The following B3GNT6 variants were observed in gnomAD, a reference collection of about 807,000 sequenced individuals.
B3GNT6 encodes UDP-GlcNAc:betaGal beta-1,3-N-acetylglucosaminyltransferase 6.
For missense variants in B3GNT6, 624 were observed against 568.6 expected, an observed-to-expected ratio of 1.10 and a Z score of -0.99; for synonymous variants, 300 against 270.0, an observed-to-expected ratio of 1.11 and a Z score of -1.09.
In B3GNT6 at chr11:77,040,637, G is replaced by A; in HGVS notation, c.1086G>A (p.Glu362=). The change falls in exon 2 of 2, where the codon GAG becomes GAA. Residue 362 remains glutamate (E), a synonymous_variant. Transcript: ENST00000622824. ...TAGTGCACCGCTTCGCGCCCTACGA[G>A]ATGCTGCTCATGTGGAAGGCGCTGC... ...LLLVHRFAPY[E]MLLMWKALHS... The A allele has an allele frequency of 1.2e-6, 2 of 1,601,224 alleles. No individual in the cohort carries two copies. The highest frequency in any genetic ancestry group is 1.7e-6 in the Non-Finnish European group (2 of 1,179,238).
In B3GNT6 at chr11:77,039,946, G is replaced by T. The variant is rs782008657; in HGVS notation, c.395G>T (p.Arg132Leu). 6.3e-6 allele frequency: 10 copies of T among 1,592,086 alleles called. No homozygotes were observed. The highest frequency in any genetic ancestry group is 3.3e-5 in the South Asian group (3 of 90,148). The stretch of plus-strand genomic sequence containing the variant: ...AAGTCGGCGCCTGAGCACTACGAGC[G>T]ACGCGAGCTCATCCGGCGCACGTGG... ...AVKSAPEHYERRELIRRTWGQ... is the reference protein window; with the variant it reads ...AVKSAPEHYELRELIRRTWGQ... The change falls in exon 2 of 2, where the codon CGA becomes CTA. Residue 132 changes from arginine (R) to leucine (L), a missense_variant. By Grantham distance (102) the Arg-to-Leu change is moderately radical (BLOSUM62 -2). Coordinates refer to ENST00000622824, the MANE Select transcript of B3GNT6 (RefSeq NM_138706.5).
Position 77,039,678 on chromosome 11 carries a change from C to T in B3GNT6, c.127C>T (p.Pro43Ser), listed in dbSNP as rs373996731. The T allele has an allele frequency of 6.2e-7, 1 of 1,612,612 alleles. No homozygotes were observed. The highest frequency in any genetic ancestry group is 1.7e-4 in the Middle Eastern group (1 of 5,950). ...APRSPREERS[P>S]QEETPEGPTD... Reference sequence around the variant, plus strand: ...AAGGTCCCCGCGGGAGGAGAGGTCCCCGCAGGAGGAGACGCCAGAGGGTCC... The same window carrying T: ...AAGGTCCCCGCGGGAGGAGAGGTCCTCGCAGGAGGAGACGCCAGAGGGTCC... Residue 43 changes from proline (P) to serine (S), a missense_variant, in exon 2 of 2, where the codon CCG becomes TCG. Transcript: ENST00000622824.
At chr11:77,037,177 T>C (rs1949638986) in intron 1 of B3GNT6, 1 of 152,120 alleles carries the variant, frequency 6.6e-6, no homozygotes, top group Non-Finnish European at 1.5e-5. Context: ...TTTTTCCAGC[T>C]GCGGGAGGGG....
rs782344607 is a variant in B3GNT6, at chr11:77,039,568, G to A, written c.17G>A (p.Arg6His). Residue 6 changes from arginine (R) to histidine (H), a missense_variant, in exon 2 of 2, where the codon CGC (arginine) becomes CAC (histidine). Arg to His is a conservative substitution (Grantham distance 29). Transcript: ENST00000622824. ...CCCCCACAGATGGCTTTTCCCTGCC[G>A]CAGGTCCCTGACTGCCAAGACTCTG... MAFPC[R>H]RSLTAKTLAC... 6 of 1,579,862 alleles carry A rather than the reference G, an allele frequency of 3.8e-6. No individual in the cohort carries two copies. Among genetic ancestry groups the A allele is most frequent in the Non-Finnish European group, 5.2e-6 (6 of 1,163,164 alleles).
rs1215128272 is a variant in B3GNT6, at chr11:77,040,275, G to A, written c.724G>A (p.Gly242Ser). 1.9e-6 allele frequency: 3 copies of A among 1,595,492 alleles called. No homozygotes were observed. Among genetic ancestry groups the A allele is most frequent in the Non-Finnish European group, 1.7e-6 (2 of 1,178,292 alleles). Residue 242 changes from glycine (G) to serine (S), a missense_variant, in exon 2 of 2, where the codon GGC (glycine) becomes AGC (serine). Coordinates refer to ENST00000622824, the MANE Select transcript of B3GNT6 (RefSeq NM_138706.5). ...VVRFLQAQPP[G>S]RHLFSGQLME... is the part of the protein sequence containing the mutation. ...CCGCTTCCTGCAGGCGCAGCCACCCGGCCGCCACCTGTTCTCCGGCCAGCT... is the reference window on the plus strand; with the variant it reads ...CCGCTTCCTGCAGGCGCAGCCACCCAGCCGCCACCTGTTCTCCGGCCAGCT...
rs1362219409 is a variant in B3GNT6 at position 77,040,705 on chromosome 11, G to A, written c.1154G>A (p.Ter385=). The change falls in exon 2 of 2, where the codon TGA becomes TAA. Residue 385 remains the stop codon, a stop_retained_variant. Transcript: ENST00000622824. ...LSCDRGHRVS[*] ...TGTGACCGGGGACACCGGGTCTCCT[G>A]AGGCCAGTTGGGCGGCTTCAGCCCC... 1.9e-6 allele frequency: 3 copies of A among 1,567,358 alleles called. No individual in the cohort carries two copies. The highest frequency in any genetic ancestry group is 2.6e-6 in the Non-Finnish European group (3 of 1,162,620).
At position 77,040,002 on chromosome 11, in the gene B3GNT6, G is replaced by A. The variant is rs782615232; in HGVS notation, c.451G>A (p.Val151Met). The change falls in exon 2 of 2, where the codon GTG (valine) becomes ATG (methionine). Residue 151 changes from valine to methionine, a missense_variant. Physicochemically the swap from Val to Met is conservative, Grantham distance 21. Coordinates refer to ENST00000622824, the MANE Select transcript of B3GNT6 (RefSeq NM_138706.5). ...AGAGCGCAGCTACGGCGGGCGGCCA[G>A]TGCGCCGCCTCTTTCTATTGGGCAC... is the stretch of plus-strand genomic sequence containing the variant. ...GQERSYGGRP[V>M]RRLFLLGTPG... 13 of 1,574,932 alleles carry A rather than the reference G, an allele frequency of 8.3e-6. No individual in the cohort carries two copies. The East Asian group carries it at 2.8e-4, about 34-fold the overall frequency.
chr11:77,039,614 G>A lies in B3GNT6; in HGVS notation c.63G>A (p.Val21=). The A allele has an allele frequency of 1.2e-6, 2 of 1,611,234 alleles. No individual in the cohort carries two copies. Among genetic ancestry groups the A allele is most frequent in the Non-Finnish European group, 1.7e-6 (2 of 1,178,826 alleles). Residue 21 remains valine, a synonymous_variant, in exon 2 of 2, where the codon GTG becomes GTA. Coordinates refer to ENST00000622824, the MANE Select transcript of B3GNT6 (RefSeq NM_138706.5). The part of the protein sequence containing the change: ...AKTLACLLVG[V]SFLALQQWFL... ...CTCTGGCCTGCCTCCTGGTGGGCGT[G>A]AGTTTCTTAGCACTGCAGCAGTGGT...
Position 77,039,737 on chromosome 11 carries a change from G to A in B3GNT6, c.186G>A (p.Ser62=), listed in dbSNP as rs368721214. 1.2e-5 allele frequency: 20 copies of A among 1,602,168 alleles called. No individual in the cohort carries two copies. Among genetic ancestry groups the A allele is most frequent in the Non-Finnish European group, 1.4e-5 (16 of 1,175,880 alleles). Residue 62 remains serine, a synonymous_variant, in exon 2 of 2, where the codon TCG becomes TCA. Transcript: ENST00000622824. ...CTCCCGCGGCTGACGAGCCGCCCTC[G>A]GAGCTCGTCCCCGGGCCCCCGTGCG... ...TDAPAADEPP[S]ELVPGPPCVA...
At chr11:77,038,216 A>G (rs1199280001) in intron 1 of B3GNT6, among the ~76,000 whole-genome samples, 1 of 150,746 alleles carries the variant, frequency 6.6e-6, no homozygotes, top group African/African-American at 2.4e-5. Context: ...ACTGAGAAAC[A>G]TGGTCAAAAA....
chr11:77,040,103 C>T lies in B3GNT6; in HGVS notation c.552C>T (p.Asp184=), dbSNP rs781821239. The T allele has an allele frequency of 6.3e-7, 1 of 1,595,212 alleles. No homozygotes were observed. ...CGCTGGAGGCGCGCGAGCACGGCGA[C>T]GTGCTGCAGTGGGCCTTCGCGGACA... ...LVALEAREHG[D]VLQWAFADTF... Residue 184 remains aspartate (D), a synonymous_variant, in exon 2 of 2, where the codon GAC becomes GAT. Coordinates refer to ENST00000622824, the MANE Select transcript of B3GNT6 (RefSeq NM_138706.5).
chr11:77,040,412 G>C lies in B3GNT6; in HGVS notation c.861G>C (p.Leu287=), dbSNP rs1949676055. The change falls in exon 2 of 2, where the codon CTG becomes CTC. Residue 287 remains leucine (L), a synonymous_variant. Coordinates refer to ENST00000622824, the MANE Select transcript of B3GNT6 (RefSeq NM_138706.5). The part of the protein sequence containing the change: ...PVYCSGGGFL[L]SGPTARALRA... ...ACTGCAGCGGCGGCGGCTTCCTCCT[G>C]TCCGGCCCCACGGCCCGGGCCCTGC... The C allele has an allele frequency of 2.0e-6, 3 of 1,529,648 alleles. No individual in the cohort carries two copies. The highest frequency in any genetic ancestry group is 2.6e-6 in the Non-Finnish European group (3 of 1,144,240). The allele number at this position is 1,529,648 out of a possible 1,614,324, so 94.8% of individuals were successfully genotyped here. A position where few individuals can be genotyped will look rare whatever the true frequency, so the allele number is the denominator to read the frequency against.
rs782657432 is a variant in B3GNT6 at position 77,040,625 on chromosome 11, C to T, written c.1074C>T (p.Phe358=). ...GCGAGTTGCTGCTAGTGCACCGCTTCGCGCCCTACGAGATGCTGCTCATGT... is the reference window on the plus strand; with the variant it reads ...GCGAGTTGCTGCTAGTGCACCGCTTTGCGCCCTACGAGATGCTGCTCATGT... ...MYRELLLVHR[F]APYEMLLMWK... Residue 358 remains phenylalanine (F), a synonymous_variant, in exon 2 of 2, where the codon TTC becomes TTT. Coordinates refer to ENST00000622824, the MANE Select transcript of B3GNT6 (RefSeq NM_138706.5). The T allele has an allele frequency of 1.9e-6, 3 of 1,599,490 alleles. No individual in the cohort carries two copies. The highest frequency in any genetic ancestry group is 1.1e-5 in the South Asian group (1 of 90,388).
chr11:77,038,446 C>G lies in B3GNT6; in HGVS notation c.1-1106C>G, dbSNP rs150631575. On this transcript the variant is annotated intron_variant, in intron 1 of 1. Transcript: ENST00000622824. ...AATGACCCAGGTGTGGTGGCACGCT[C>G]CTGTAGAGCGCCTCAACTACTCCAA... Among the ~76,000 whole-genome samples, 7 of 151,440 alleles carry G rather than the reference C, an allele frequency of 4.6e-5. No homozygotes were observed. In the East Asian group the frequency reaches 1.2e-3, roughly 25 times the overall value.
At position 77,040,924 on chromosome 11, in the gene B3GNT6, T is replaced by C. The variant is rs1219150264; in HGVS notation, c.*218T>C. 1.4e-6 allele frequency: 1 copy of C among 692,970 alleles called. No homozygotes were observed. Among genetic ancestry groups the C allele is most frequent in the African/African-American group, 1.9e-5 (1 of 53,274 alleles). 42.9% of individuals were successfully genotyped at this position (692,970 alleles called of 1,614,324 possible). On this transcript the variant is annotated 3_prime_UTR_variant, in exon 2 of 2. Coordinates refer to ENST00000622824, the MANE Select transcript of B3GNT6 (RefSeq NM_138706.5). ...TAGTCTGGGGTGGACCCAGACATGT[T>C]AAGTATTTTTTAAGTTCCTCCAGTG...
In B3GNT6 at chr11:77,039,487, C is replaced by T. The variant is rs1949664151; in HGVS notation, c.1-65C>T. On this transcript the variant is annotated intron_variant, in intron 1 of 1. Transcript: ENST00000622824. ...GTTCTGGGAGAGAAGTGACGGGGTA[C>T]GGGTGGTGTCCTGCCGGTGTCAAAG... 4 of 1,516,692 alleles carry T rather than the reference C, an allele frequency of 2.6e-6. No individual in the cohort carries two copies. In the South Asian group the frequency reaches 4.0e-5, roughly 15 times the overall value. 94.0% of individuals were successfully genotyped at this position (1,516,692 alleles called of 1,614,324 possible).
rs537166247 is a variant in B3GNT6 at position 77,039,761 on chromosome 11, C to G, written c.210C>G (p.Cys70Trp). The G allele has an allele frequency of 6.3e-7, 1 of 1,592,328 alleles. No individual in the cohort carries two copies. Among genetic ancestry groups the G allele is most frequent in the South Asian group, 1.1e-5 (1 of 89,832 alleles). Residue 70 changes from cysteine to tryptophan, a missense_variant, in exon 2 of 2, where the codon TGC becomes TGG. By Grantham distance (215) the Cys-to-Trp change is radical. Coordinates refer to ENST00000622824, the MANE Select transcript of B3GNT6 (RefSeq NM_138706.5). ...CGGAGCTCGTCCCCGGGCCCCCGTG[C>G]GTGGCGAACGCCTCGGCGAACGCCA... The part of the protein sequence containing the change: ...PPSELVPGPP[C>W]VANASANATA...
chr11:77,040,782 CT>C lies in B3GNT6; in HGVS notation c.*78del. 6.8e-7 allele frequency: 1 copy of C among 1,468,734 alleles called. No individual in the cohort carries two copies. 91.0% of individuals were successfully genotyped at this position (1,468,734 alleles called of 1,614,324 possible). On this transcript the variant is annotated 3_prime_UTR_variant, in exon 2 of 2. Coordinates refer to ENST00000622824, the MANE Select transcript of B3GNT6 (RefSeq NM_138706.5). ...AAGGCAGCTTTCCCGCTCTGGGTAC[CT>C]TACGTCCTGCCCAGCTCTGTGCACC...
chr11:77,035,835 G>A (rs782346700), intron 1 of B3GNT6, among the ~76,000 whole-genome samples: 3 of 152,226 alleles, frequency 2.0e-5, no homozygotes, highest in Non-Finnish European at 4.4e-5. Context: ...GAAGTTGGCT[G>A]TGATCCAAGA....
Sources: allele counts gnomAD v4.1 joint callset (sites outside exome capture counted in the v4.1 genomes callset), GRCh38; gene constraint gnomAD v4.1.1; transcripts MANE v1.5; gene names NCBI Gene and HGNC (gene_info 2026-07-23, HGNC 2026-07-21).